Variants in PGA5 observed in about 807,000 individuals in gnomAD.
PGA5 encodes the protein pepsinogen A5.
PGA5 carries 19 observed loss-of-function variants against 15.9 expected under a neutral mutation model. The ratio of observed to expected loss-of-function variants is 1.19; its 90% CI spans 0.83 to 1.75. The LOEUF (loss-of-function observed/expected upper bound fraction) is 1.75, where lower values mean the gene tolerates loss of function less well. Ranked by LOEUF, PGA5 falls within the 40% of genes most tolerant of loss-of-function variation. PGA5 has a pLI of 0.00. For missense variants in PGA5, 224 were observed against 246.4 expected, an observed-to-expected ratio of 0.91 and a Z score of 0.61; for synonymous variants, 92 against 95.8, an observed-to-expected ratio of 0.96 and a Z score of 0.23.
intron 6 of PGA5, 171 bp from the exon 7 acceptor site, chr11:61,249,498 T>C (rs1201546700): frequency 1.0e-5 from 13 of 1,285,546 alleles, no homozygotes; most frequent in Admixed American, 2.1e-5. Flanking sequence ...GGGAAATATT[T>C]GTAGGGTAAA....
In PGA5 at chr11:61,249,877, G is replaced by A. The variant is rs566575252; in HGVS notation, c.919-39G>A. 2,499 of 1,608,472 alleles carry A rather than the reference G, an allele frequency of 1.6e-3. 97 individuals carry two copies. The highest frequency in any genetic ancestry group is 0.015 in the South Asian group (1,291 of 88,254). ...AGTGGGTGTGCCAGGCAGAAGCGAC[G>A]AAAACCCTTCTAACTTTTCTCACCC... On this transcript the variant is annotated intron_variant, in intron 7 of 8. Transcript: ENST00000312403.
intron 8 of PGA5, 74 bp downstream of exon 8, chr11:61,250,088 A>C: frequency 6.4e-7 from 1 of 1,557,878 alleles, no homozygotes; most frequent in Non-Finnish European, 8.7e-7. Context: ...CTGCAGAGGG[A>C]AAGTACACTT....
chr11:61,249,690 C>A lies in PGA5; in HGVS notation c.795C>A (p.Thr265=), dbSNP rs376841976. The change falls in exon 7 of 9, where the codon ACC becomes ACA. Residue 265 remains threonine, a synonymous_variant. Coordinates refer to ENST00000312403, the MANE Select transcript of PGA5 (RefSeq NM_014224.5). ...TCAGCATCACCATGAACGGAGAGAC[C>A]ATCGCCTGTGCTGAGGGCTGCCAGG... The part of the protein sequence containing the change: ...TVDSITMNGE[T]IACAEGCQAI... The A allele has an allele frequency of 5.7e-5, 92 of 1,613,508 alleles. No individual in the cohort carries two copies. The South Asian group carries it at 9.0e-4, about 16-fold the overall frequency.
At chr11:61,250,692 G>C (rs748883924) in intron 8 of PGA5, 28 of 464,562 alleles carry the variant, frequency 6.0e-5, no homozygotes, top group South Asian at 3.2e-4. Flanking sequence ...GGCTGCGGGG[G>C]TTCAAAGCTC....
Position 61,251,128 on chromosome 11 carries a change from C to T in PGA5, c.1018-4C>T, listed in dbSNP as rs1253014096. The T allele has an allele frequency of 6.2e-7, 1 of 1,611,828 alleles. No individual in the cohort carries two copies. Among genetic ancestry groups the T allele is most frequent in the East Asian group, 2.2e-5 (1 of 44,884 alleles). On this transcript the variant is annotated splice_region_variant and splice_polypyrimidine_tract_variant and intron_variant, in intron 8 of 8. Coordinates refer to ENST00000312403, the MANE Select transcript of PGA5 (RefSeq NM_014224.5). ...AGCTCCACTTTTATTCTCCTTTTCT[C>T]CAGAGCGAGGGGAGCTGCATCAGTG...
chr11:61,250,142 C>G, intron 8 of PGA5, 128 bp downstream of exon 8: 1 of 815,756 alleles, frequency 1.2e-6, no homozygotes, highest in East Asian at 2.7e-5. Context: ...AACATCTGCC[C>G]TAGACAGCCT....
Position 61,249,998 on chromosome 11 carries a change from G to C in PGA5, c.1001G>C (p.Ser334Thr). 2 of 1,610,668 alleles carry C rather than the reference G, an allele frequency of 1.2e-6. No homozygotes were observed. Among genetic ancestry groups the C allele is most frequent in the Middle Eastern group, 1.7e-4 (1 of 5,998 alleles). Residue 334 changes from serine to threonine, a missense_variant, in exon 8 of 9, where the codon AGT (serine) becomes ACT (threonine). By Grantham distance (58) the Ser-to-Thr change is moderately conservative. Transcript: ENST00000312403. ...INGVQYPVPP[S>T]AYILQSEGSC... Reference sequence around the variant, plus strand: ...GGAGTCCAGTACCCCGTGCCACCCAGTGCCTACATCCTGCAGGTGAGGAGG... The same window carrying C: ...GGAGTCCAGTACCCCGTGCCACCCACTGCCTACATCCTGCAGGTGAGGAGG...
At chr11:61,247,024 G>A (rs1483152539) in intron 5 of PGA5, among the ~76,000 whole-genome samples, 1 of 151,952 alleles carries the variant, frequency 6.6e-6, no homozygotes, top group Non-Finnish European at 1.5e-5. Context: ...TGTCAGTTTG[G>A]GCTGAGTAGA....
rs544140332 is a variant in PGA5 at position 61,246,572 on chromosome 11, G to T, written c.656+427G>T. On this transcript the variant is annotated intron_variant, in intron 5 of 8. Coordinates refer to ENST00000312403, the MANE Select transcript of PGA5 (RefSeq NM_014224.5). ...AAGTCAGGAGTTCAAGACCAGCCTGGCCAACATGGCAAAACCCTGTCTCTA... is the reference window on the plus strand; with the variant it reads ...AAGTCAGGAGTTCAAGACCAGCCTGTCCAACATGGCAAAACCCTGTCTCTA... Among the ~76,000 whole-genome samples the T allele has an allele frequency of 5.3e-5, 8 of 151,900 alleles. No homozygotes were observed. In the South Asian group the frequency reaches 6.2e-4, roughly 12 times the overall value.
At chr11:61,249,415 C>A (rs1854107679) in intron 6 of PGA5, 2 of 675,890 alleles carry the variant, frequency 3.0e-6, no homozygotes, top group Admixed American at 2.9e-5. Context: ...GCCGGGAGCT[C>A]CCTGCAGCCT....
At chr11:61,248,954 T>C (rs1442537617) in intron 6 of PGA5, among the ~76,000 whole-genome samples, 1 of 152,132 alleles carries the variant, frequency 6.6e-6, no homozygotes, top group Non-Finnish European at 1.5e-5. Context: ...TTGTGTGAAG[T>C]CACTTCATTC....
In PGA5 at chr11:61,248,349, AG is replaced by A. The variant is rs371218552; in HGVS notation, c.657-68del. On this transcript the variant is annotated intron_variant, in intron 5 of 8. Transcript: ENST00000312403. The stretch of plus-strand genomic sequence containing the variant: ...TGCCCAATCAACGGTCGCTCTGAGG[AG>A]GCAACAGCAGATGGTCACACAAATG... The A allele has an allele frequency of 7.6e-4, 1,227 of 1,613,842 alleles. 27 individuals carry two copies. The African/African-American group carries it at 0.015, about 19-fold the overall frequency.
At chr11:61,246,834 A>G (rs1036539200) in intron 5 of PGA5, among the ~76,000 whole-genome samples, 1 of 151,990 alleles carries the variant, frequency 6.6e-6, no homozygotes, top group Non-Finnish European at 1.5e-5. Flanking sequence ...AAAATTCCAT[A>G]GCACAAAAAT....
chr11:61,247,339 C>T lies in PGA5; in HGVS notation c.657-1080C>T, dbSNP rs1293939805. Among the ~76,000 whole-genome samples, 9 of 149,718 alleles carry T rather than the reference C, an allele frequency of 6.0e-5. 2 individuals carry two copies. In the South Asian group the frequency reaches 6.3e-4, roughly 10 times the overall value. On this transcript the variant is annotated intron_variant, in intron 5 of 8. Transcript: ENST00000312403. Reference sequence around the variant, plus strand: ...TGTCGCCCAGGCTGGAGTGCAGTGGCGCTATCTCGCCTCACTGCAAGCTCT... The same window carrying T: ...TGTCGCCCAGGCTGGAGTGCAGTGGTGCTATCTCGCCTCACTGCAAGCTCT...
chr11:61,248,273 C>A, intron 5 of PGA5, 146 bp from the exon 6 acceptor site: 1 of 1,592,730 alleles, frequency 6.3e-7, no homozygotes, highest in Non-Finnish European at 8.6e-7. Context: ...GGGCCCTGGC[C>A]TAAGAGGAAA....
In PGA5 at chr11:61,248,374, T is replaced by C. The variant is rs192865813; in HGVS notation, c.657-45T>C. Reference sequence around the variant, plus strand: ...AGGCAACAGCAGATGGTCACACAAATGGACGAACAAAAAAATTCATGTCTT... The same window carrying C: ...AGGCAACAGCAGATGGTCACACAAACGGACGAACAAAAAAATTCATGTCTT... On this transcript the variant is annotated intron_variant, in intron 5 of 8. Transcript: ENST00000312403. 3.8e-4 allele frequency: 621 copies of C among 1,613,808 alleles called. 7 individuals are homozygous for C. The highest frequency in any genetic ancestry group is 2.3e-3 in the Middle Eastern group (14 of 6,056).
Position 61,251,140 on chromosome 11 carries a change from G to T in PGA5, c.1026G>T (p.Gly342=), listed in dbSNP as rs1854135170. Reference sequence around the variant, plus strand: ...ATTCTCCTTTTCTCCAGAGCGAGGGGAGCTGCATCAGTGGCTTCCAGGGCA... The same window carrying T: ...ATTCTCCTTTTCTCCAGAGCGAGGGTAGCTGCATCAGTGGCTTCCAGGGCA... ...PPSAYILQSE[G]SCISGFQGMN... is the part of the protein sequence containing the mutation. Residue 342 remains glycine (G), a synonymous_variant, in exon 9 of 9, where the codon GGG becomes GGT. Transcript: ENST00000312403. The T allele has an allele frequency of 6.2e-7, 1 of 1,611,710 alleles. No homozygotes were observed. Among genetic ancestry groups the T allele is most frequent in the African/African-American group, 1.3e-5 (1 of 74,670 alleles).
intron 6 of PGA5, among the ~76,000 whole-genome samples, chr11:61,248,817 G>A (rs963033929): frequency 1.3e-5 from 2 of 152,106 alleles, no homozygotes; most frequent in Admixed American, 6.5e-5. Context: ...GCATCCCTGG[G>A]GAGAGCTGGG....
At chr11:61,248,859 AG>A (rs1319277122) in intron 6 of PGA5, among the ~76,000 whole-genome samples, 4 of 152,126 alleles carry the variant, frequency 2.6e-5, no homozygotes, top group African/African-American at 9.7e-5. Flanking sequence ...TCACAATTTA[AG>A]GGGGCTGTGA....
Sources: allele counts gnomAD v4.1 joint callset (sites outside exome capture counted in the v4.1 genomes callset), GRCh38; gene constraint gnomAD v4.1.1; transcripts MANE v1.5; gene names NCBI Gene and HGNC (gene_info 2026-07-23, HGNC 2026-07-21).